SPPL2B: variants seen among roughly 807,000 people sequenced by gnomAD.
SPPL2B encodes the protein signal peptide peptidase-like 2B.
Under a neutral mutation model 59.7 loss-of-function variants are expected in SPPL2B, and 39 were observed. That is an observed-to-expected ratio of 0.65 (90% CI 0.51 to 0.85). SPPL2B has a LOEUF of 0.85. Among genes scored for constraint, SPPL2B ranks in the 40% least tolerant of loss-of-function variants. The probability of loss-of-function intolerance (pLI) is 0.00; values close to 1 mark genes in which losing one functional copy is unlikely to be tolerated. For missense variants in SPPL2B, 865 were observed against 849.0 expected (o/e 1.02, Z -0.23); for synonymous variants, 419 against 370.8 (o/e 1.13, Z -1.49).
chr19:2,339,657 C>G lies in SPPL2B; in HGVS notation c.600-167C>G. ...GCCCTGCCACCCTCTGCTGTGTGGTCTCCTCTGCCCTGGGGACGTTCGGGG... is the reference window on the plus strand; with the variant it reads ...GCCCTGCCACCCTCTGCTGTGTGGTGTCCTCTGCCCTGGGGACGTTCGGGG... On this transcript the variant is annotated intron_variant, in intron 5 of 14. Coordinates refer to ENST00000613503, the MANE Select transcript of SPPL2B (RefSeq NM_152988.3). 5.4e-6 allele frequency: 4 copies of G among 735,992 alleles called. No individual in the cohort carries two copies. In the South Asian group the frequency reaches 7.2e-5, roughly 13 times the overall value. 45.6% of individuals were successfully genotyped at this position (735,992 alleles called of 1,614,324 possible).
At chr19:2,336,286 C>A (rs143834771) in intron 2 of SPPL2B, among the ~76,000 whole-genome samples, 4 of 8,450 alleles carry the variant, frequency 4.7e-4, no homozygotes, top group African/African-American at 2.7e-3. Flanking sequence ...GCATGTGTGT[C>A]TGTATGTGTG....
At position 2,353,071 on chromosome 19, in the gene SPPL2B, T is replaced by C. The variant is rs1599262975; in HGVS notation, c.1641T>C (p.Ala547=). 6.2e-7 allele frequency: 1 copy of C among 1,611,940 alleles called. No individual in the cohort carries two copies. Among genetic ancestry groups the C allele is most frequent in the Non-Finnish European group, 8.5e-7 (1 of 1,179,574 alleles). ...AACCAGCCACATCCCCCTGGCCTGC[T>C]GAGCAGTCCCCAAAATCACGCACGT... is the stretch of plus-strand genomic sequence containing the variant. ...SEEPATSPWP[A]EQSPKSRTSE... Residue 547 remains alanine (A), a synonymous_variant, in exon 15 of 15, where the codon GCT becomes GCC. Coordinates refer to ENST00000613503, the MANE Select transcript of SPPL2B (RefSeq NM_152988.3).
At position 2,339,848 on chromosome 19, in the gene SPPL2B, C is replaced by T. The variant is rs373280382; in HGVS notation, c.624C>T (p.Asp208=). The change falls in exon 6 of 15, where the codon GAC becomes GAT. Residue 208 remains aspartate, a synonymous_variant. Transcript: ENST00000613503. ...VKKRYMKHKR[D]DGPEKQEDEA... ...GAAGGTACATGAAGCACAAGCGCGA[C>T]GATGGGCCCGAGAAGCAGGAGGACG... 45 of 1,606,122 alleles carry T rather than the reference C, an allele frequency of 2.8e-5. No homozygotes were observed. The highest frequency in any genetic ancestry group is 2.0e-4 in the East Asian group (9 of 44,522).
At chr19:2,350,259 T>C (rs1969837479) in intron 13 of SPPL2B, among the ~76,000 whole-genome samples, 1 of 139,614 alleles carries the variant, frequency 7.2e-6, no homozygotes, top group Non-Finnish European at 1.5e-5. Context: ...TGCGCTCTTA[T>C]TCGCTTGATT....
At chr19:2,330,984 C>T (rs909482517) in intron 1 of SPPL2B, among the ~76,000 whole-genome samples, 18 of 152,162 alleles carry the variant, frequency 1.2e-4, no homozygotes, top group Admixed American at 2.6e-4. Flanking sequence ...AATTTGAGTC[C>T]GATTGCCCAA....
Position 2,334,784 on chromosome 19 carries a change from A to G in SPPL2B, c.186+63A>G. 5 of 1,458,170 alleles carry G rather than the reference A, an allele frequency of 3.4e-6. No individual in the cohort carries two copies. The South Asian group carries it at 4.2e-5, about 12-fold the overall frequency. The allele number at this position is 1,458,170 out of a possible 1,614,324, so 90.3% of individuals were successfully genotyped here. On this transcript the variant is annotated intron_variant, in intron 2 of 14. Coordinates refer to ENST00000613503, the MANE Select transcript of SPPL2B (RefSeq NM_152988.3). The stretch of plus-strand genomic sequence containing the variant: ...ATGCGGGGGCCCCGGGGCTCTAGAG[A>G]CACATCCGGCTGGGGTTGCAGGAAA...
At chr19:2,345,170 C>A in intron 12 of SPPL2B, 83 bp from the exon 13 acceptor site, 1 of 1,199,184 alleles carries the variant, frequency 8.3e-7, no homozygotes, top group Non-Finnish European at 1.2e-6. Flanking sequence ...CCCACAGGTG[C>A]TCAGGTGCCC....
In SPPL2B at chr19:2,334,720, CAG is replaced by C; in HGVS notation, c.186_186+1del. On this transcript the variant is annotated splice_donor_variant and coding_sequence_variant, in exon 2 of 15. Transcript: ENST00000613503. LOFTEE classifies it high-confidence loss of function. ...CATCTTCCGCACGACCTCAGCAAGG[CAG>C]TGAGTACCCGCTGGCCGGGCGCCGC... The C allele has an allele frequency of 6.3e-7, 1 of 1,598,002 alleles. No homozygotes were observed. The highest frequency in any genetic ancestry group is 1.1e-5 in the South Asian group (1 of 88,994).
At position 2,353,527 on chromosome 19, in the gene SPPL2B, A is replaced by G. The variant is rs1337545931; in HGVS notation, c.*318A>G. ...CTGCAGACCCTCAAGCGTCGTCTGC[A>G]TGAGTGAGCAGGCGTGGGTGGACTC... On this transcript the variant is annotated 3_prime_UTR_variant, in exon 15 of 15. Transcript: ENST00000613503. The G allele has an allele frequency of 8.3e-6, 3 of 362,508 alleles. No homozygotes were observed. The highest frequency in any genetic ancestry group is 1.5e-5 in the Non-Finnish European group (3 of 198,672). 22.5% of individuals were successfully genotyped at this position (362,508 alleles called of 1,614,324 possible). A position where few individuals can be genotyped will look rare whatever the true frequency, so the allele number is the denominator to read the frequency against.
At chr19:2,346,259 C>T (rs923219227) in intron 13 of SPPL2B, among the ~76,000 whole-genome samples, 2 of 152,262 alleles carry the variant, frequency 1.3e-5, no homozygotes, top group African/African-American at 4.8e-5. Context: ...ACGGCCACTC[C>T]CAGGGCCAGG....
chr19:2,334,539 C>G lies in SPPL2B; in HGVS notation c.67-63C>G, dbSNP rs10413189. The G allele has an allele frequency of 1.9e-6, 3 of 1,544,680 alleles. No homozygotes were observed. In the African/African-American group the frequency reaches 4.1e-5, roughly 21 times the overall value. On this transcript the variant is annotated intron_variant, in intron 1 of 14. Coordinates refer to ENST00000613503, the MANE Select transcript of SPPL2B (RefSeq NM_152988.3). ...TCCTCCCCTCCTCGGGCCTGTTTCT[C>G]GTGGGGCGGTGCAGCCCCGCACGTC... is the stretch of plus-strand genomic sequence containing the variant.
At chr19:2,330,335 G>A (rs957235928) in intron 1 of SPPL2B, 6 of 144,712 alleles carry the variant, frequency 4.1e-5, no homozygotes, top group African/African-American at 1.0e-4. Context: ...GGCTGGTCTC[G>A]AACTTCAGAC....
intron 2 of SPPL2B, chr19:2,337,016 G>A (rs540218235): frequency 1.2e-5 from 2 of 167,218 alleles, no homozygotes; most frequent in South Asian, 2.9e-4. Context: ...GTGCGTGTGC[G>A]TGTGTGTGTG....
intron 13 of SPPL2B, 49 bp downstream of exon 13, chr19:2,345,379 C>A: frequency 6.5e-7 from 1 of 1,528,044 alleles, no homozygotes; most frequent in Non-Finnish European, 9.1e-7. Flanking sequence ...TCCAGCCCCA[C>A]CCCGACTTAG....
rs942858012 is a variant in SPPL2B, at chr19:2,353,213, A to G, written c.*4A>G. The G allele has an allele frequency of 6.3e-7, 1 of 1,587,898 alleles. No individual in the cohort carries two copies. Among genetic ancestry groups the G allele is most frequent in the Non-Finnish European group, 8.5e-7 (1 of 1,173,824 alleles). On this transcript the variant is annotated 3_prime_UTR_variant, in exon 15 of 15. Transcript: ENST00000613503. Reference sequence around the variant, plus strand: ...CCAGCCTGGCGCCTCGGCCTAGGGGAGGGGTGAGACGCTCGCTGCCGTGCC... The same window carrying G: ...CCAGCCTGGCGCCTCGGCCTAGGGGGGGGGTGAGACGCTCGCTGCCGTGCC...
intron 2 of SPPL2B, chr19:2,337,182 C>A (rs141487817): frequency 2.6e-6 from 1 of 379,210 alleles, no homozygotes; most frequent in Non-Finnish European, 4.7e-6. Context: ...TGACGGCTCG[C>A]GGGGTGGCTC....
intron 14 of SPPL2B, among the ~76,000 whole-genome samples, chr19:2,351,809 G>A (rs1367101091): frequency 1.3e-5 from 2 of 151,980 alleles, no homozygotes; most frequent in Admixed American, 1.3e-4. Flanking sequence ...GGTGCCAGGT[G>A]GGGCCCGGGG....
Position 2,338,835 on chromosome 19 carries a change from C to G in SPPL2B, c.453C>G (p.Ile151Met). 1 of 1,613,270 alleles carries G rather than the reference C, an allele frequency of 6.2e-7. No homozygotes were observed. Among genetic ancestry groups the G allele is most frequent in the Non-Finnish European group, 8.5e-7 (1 of 1,179,472 alleles). The change falls in exon 4 of 15, where the codon ATC becomes ATG. Residue 151 changes from isoleucine (I) to methionine (M), a missense_variant. Ile to Met is a conservative substitution (Grantham distance 10, BLOSUM62 1). Coordinates refer to ENST00000613503, the MANE Select transcript of SPPL2B (RefSeq NM_152988.3). Reference protein sequence around the residue: ...ALLSYKDMLDIFTRFGRTVRA... With the variant: ...ALLSYKDMLDMFTRFGRTVRA... ...TCAGCTACAAAGACATGCTGGACAT[C>G]TTCACGGTAGGTCTGCGCCGGCTCA...
chr19:2,335,201 G>T (rs1432379660), intron 2 of SPPL2B, among the ~76,000 whole-genome samples: 1 of 141,508 alleles, frequency 7.1e-6, no homozygotes, highest in Non-Finnish European at 1.5e-5. Flanking sequence ...GCATCCCTCA[G>T]GCCCCGCCTC....
Sources: allele counts gnomAD v4.1 joint callset (sites outside exome capture counted in the v4.1 genomes callset), GRCh38; gene constraint gnomAD v4.1.1; transcripts MANE v1.5; gene names NCBI Gene and HGNC (gene_info 2026-07-23, HGNC 2026-07-21).